Variants in GSAP observed in about 807,000 individuals in gnomAD.
The protein encoded by GSAP is gamma-secretase activating protein.
In GSAP, 118 loss-of-function variants were observed where a neutral mutation model predicts 131.7. The observed-to-expected ratio is 0.90, with a 90% confidence interval of 0.77 to 1.04. The LOEUF (loss-of-function observed/expected upper bound fraction) is 1.04. Ranked by LOEUF, GSAP falls within the 50% of genes least tolerant of loss-of-function variation. The pLI is 0.00. For missense variants in GSAP, 1,019 were observed against 1,013.2 expected, an observed-to-expected ratio of 1.01 and a Z score of -0.08; for synonymous variants, 381 against 363.4, an observed-to-expected ratio of 1.05 and a Z score of -0.55.
intron 24 of GSAP, among the ~76,000 whole-genome samples, chr7:77,323,361 T>TA (rs1787915695): frequency 6.6e-6 from 1 of 152,216 alleles, no homozygotes; most frequent in African/African-American, 2.4e-5. Flanking sequence ...CAAGATGAGA[T>TA]ATTAACATTT....
intron 10 of GSAP, 49 bp downstream of exon 10, chr7:77,376,799 A>T: frequency 6.7e-6 from 5 of 744,628 alleles, no homozygotes; most frequent in Non-Finnish European, 1.1e-5. Context: ...AAAAAAAGAG[A>T]GTAATGTATC....
intron 10 of GSAP, among the ~76,000 whole-genome samples, chr7:77,375,855 A>C (rs28539707): frequency 0.011 from 1,623 of 151,832 alleles, 19 homozygotes; most frequent in Middle Eastern, 0.021. Context: ...AAAAAAAAAA[A>C]AAACAAACAA....
chr7:77,336,622 G>A (rs931567598), intron 19 of GSAP, among the ~76,000 whole-genome samples: 4 of 152,068 alleles, frequency 2.6e-5, no homozygotes, highest in Non-Finnish European at 5.9e-5. Context: ...CCAAGTAGCT[G>A]GGACTACAGG....
intron 1 of GSAP, among the ~76,000 whole-genome samples, chr7:77,411,737 CT>C (rs1046411341): frequency 2.6e-5 from 4 of 152,230 alleles, no homozygotes; most frequent in East Asian, 1.9e-4. Context: ...TCCAAATCAA[CT>C]TTTTTTGTAA....
intron 2 of GSAP, 26 bp downstream of exon 2, chr7:77,406,000 TACC>T (rs745896374): frequency 8.7e-6 from 7 of 801,246 alleles, no homozygotes; most frequent in South Asian, 1.8e-5. Context: ...TTTTACATCT[TACC>T]ACAATAAAAA....
At position 77,362,674 on chromosome 7, in the gene GSAP, G is replaced by A; in HGVS notation, c.872-14C>T. 6.8e-7 allele frequency: 1 copy of A among 1,464,580 alleles called. No individual in the cohort carries two copies. 90.7% of individuals were successfully genotyped at this position (1,464,580 alleles called of 1,614,324 possible). A position where few individuals can be genotyped will look rare whatever the true frequency, so the allele number is the denominator to read the frequency against. On this transcript the variant is annotated splice_polypyrimidine_tract_variant and intron_variant, in intron 12 of 30. Coordinates refer to ENST00000257626, the MANE Select transcript of GSAP (RefSeq NM_017439.4). ...CACACAAACTTCCTAGAAGAAAAAG[G>A]ATATTTAGTAGAGTTTAACAGAATC...
At chr7:77,402,593 C>CAAAAAAAAA (rs56739649) in intron 3 of GSAP, among the ~76,000 whole-genome samples, 37 of 24,774 alleles carry the variant, frequency 1.5e-3, no homozygotes, top group African/African-American at 2.3e-3. Context: ...GACTCTGTCT[C>CAAAAAAAAA]AAAAAAAAAA....
At chr7:77,401,962 A>G (rs1254258084) in intron 3 of GSAP, among the ~76,000 whole-genome samples, 1 of 152,228 alleles carries the variant, frequency 6.6e-6, no homozygotes, top group Non-Finnish European at 1.5e-5. Flanking sequence ...ATGGCATAGA[A>G]CCATATGCAC....
At chr7:77,413,167 G>A (rs1396571724) in intron 1 of GSAP, among the ~76,000 whole-genome samples, 1 of 152,228 alleles carries the variant, frequency 6.6e-6, no homozygotes, top group Non-Finnish European at 1.5e-5. Context: ...TAAGAGGAAG[G>A]AGAAGGAAGC....
chr7:77,374,848 A>C (rs902573660), intron 11 of GSAP, among the ~76,000 whole-genome samples: 1 of 152,240 alleles, frequency 6.6e-6, no homozygotes, highest in Admixed American at 6.5e-5. Context: ...TAAATGGCTA[A>C]GAAAATCATA....
At chr7:77,411,056 C>CG (rs1308588858) in intron 1 of GSAP, among the ~76,000 whole-genome samples, 2 of 110,702 alleles carry the variant, frequency 1.8e-5, no homozygotes, top group African/African-American at 3.6e-5. Context: ...AAAGAATTAG[C>CG]GGAAAAAAAA....
At chr7:77,330,644 C>T in intron 19 of GSAP, 1 of 1,039,820 alleles carries the variant, frequency 9.6e-7, no homozygotes, top group South Asian at 3.6e-5. Context: ...TTCCCAAAAC[C>T]AACAGGACTT....
rs779135179 is a variant in GSAP, at chr7:77,311,924, A to G, written c.2390T>C (p.Ile797Thr). The change falls in exon 30 of 31, where the codon ATT (isoleucine) becomes ACT (threonine). Residue 797 changes from isoleucine to threonine, a missense_variant. Coordinates refer to ENST00000257626, the MANE Select transcript of GSAP (RefSeq NM_017439.4). ...NYKKQPRNSMINKSSFSVEFL... is the reference protein window; with the variant it reads ...NYKKQPRNSMTNKSSFSVEFL... Reference sequence around the variant, plus strand: ...TTCTACACTGAACGATGACTTGTTAATCATAGAATTCCGAGGCTAAAAGGG... The same window carrying G: ...TTCTACACTGAACGATGACTTGTTAGTCATAGAATTCCGAGGCTAAAAGGG... 5 of 1,594,428 alleles carry G rather than the reference A, an allele frequency of 3.1e-6. No homozygotes were observed. In the South Asian group the frequency reaches 4.4e-5, roughly 14 times the overall value.
At chr7:77,314,186 C>A (rs1468054418) in intron 27 of GSAP, among the ~76,000 whole-genome samples, 184 bp downstream of exon 27, 1 of 152,152 alleles carries the variant, frequency 6.6e-6, no homozygotes, top group East Asian at 1.9e-4. Flanking sequence ...ACAAAATGAA[C>A]ACGAGCAAGC....
intron 10 of GSAP, among the ~76,000 whole-genome samples, chr7:77,375,735 T>A (rs1366922683): frequency 2.0e-5 from 3 of 151,550 alleles, no homozygotes; most frequent in African/African-American, 7.3e-5. Context: ...TCCCAGCTAC[T>A]AGGGAGGCTG....
chr7:77,316,695 G>A (rs1183011460), intron 26 of GSAP, among the ~76,000 whole-genome samples: 2 of 151,976 alleles, frequency 1.3e-5, no homozygotes, highest in Admixed American at 6.6e-5. Flanking sequence ...TATGCTAAAG[G>A]TCCCTGATGA....
At chr7:77,312,930 G>A (rs1027877603) in intron 28 of GSAP, among the ~76,000 whole-genome samples, 21 of 152,194 alleles carry the variant, frequency 1.4e-4, no homozygotes, top group African/African-American at 4.6e-4. Flanking sequence ...CTGACTCTAA[G>A]TGTTGATATT....
chr7:77,358,987 C>T (rs1794150217), intron 14 of GSAP, among the ~76,000 whole-genome samples: 1 of 152,046 alleles, frequency 6.6e-6, no homozygotes, highest in Non-Finnish European at 1.5e-5. Flanking sequence ...GAGTTCAAGA[C>T]CAGCCTGGCC....
At chr7:77,339,733 A>C (rs986435338) in intron 19 of GSAP, among the ~76,000 whole-genome samples, 3 of 151,412 alleles carry the variant, frequency 2.0e-5, no homozygotes, top group Non-Finnish European at 4.4e-5. Flanking sequence ...ACACACAGAA[A>C]ACAAACAAGC....
Sources: gnomAD v4.1 joint callset for allele counts (sites outside exome capture counted in the v4.1 genomes callset) on GRCh38, gnomAD v4.1.1 for gene constraint, MANE v1.5 for transcripts, NCBI Gene and HGNC (gene_info 2026-07-23, HGNC 2026-07-21) for gene names.